The following CAPZB variants were observed in gnomAD, a reference collection of about 807,000 sequenced individuals.
CAPZB encodes F-actin-capping protein subunit beta.
In CAPZB, 2 loss-of-function variants were observed where a neutral mutation model predicts 38.1. The observed-to-expected ratio is 0.05, with a 90% CI of 0.02 to 0.17. The LOEUF (loss-of-function observed/expected upper bound fraction) is 0.17, where lower values mean the gene tolerates loss of function less well. Ranked by LOEUF, CAPZB falls within the 10% of genes least tolerant of loss-of-function variation. The probability of loss-of-function intolerance (pLI) is 1.00; values close to 1 mark genes in which losing one functional copy is unlikely to be tolerated. For synonymous variants in CAPZB, 107 were observed against 127.4 expected (o/e 0.84, Z 1.08); for missense variants, 161 against 334.2 (o/e 0.48, Z 4.04).
intron 2 of CAPZB, among the ~76,000 whole-genome samples, chr1:19,416,589 A>T (rs2100481839): frequency 6.6e-6 from 1 of 152,278 alleles, no homozygotes; most frequent in East Asian, 1.9e-4. Context: ...GCTCTAGCAT[A>T]CATTCTACAG....
chr1:19,418,154 A>C (rs1054423475), intron 2 of CAPZB, among the ~76,000 whole-genome samples: 6 of 149,132 alleles, frequency 4.0e-5, no homozygotes, highest in Non-Finnish European at 7.4e-5. Context: ...AAAAAAAAAA[A>C]AAAAAAAAAA....
At chr1:19,421,340 A>AT (rs1296401569) in intron 1 of CAPZB, among the ~76,000 whole-genome samples, 2 of 152,180 alleles carry the variant, frequency 1.3e-5, no homozygotes, top group Non-Finnish European at 2.9e-5. Context: ...AGTCAATTTC[A>AT]TTTTTTTAAA....
At chr1:19,461,144 A>G (rs2094550574) in intron 1 of CAPZB, among the ~76,000 whole-genome samples, 1 of 152,026 alleles carries the variant, frequency 6.6e-6, no homozygotes, top group South Asian at 2.1e-4. Flanking sequence ...TCATGGGCTG[A>G]GCCTCCAGAA....
chr1:19,376,659 C>T (rs2094146104), intron 4 of CAPZB, among the ~76,000 whole-genome samples: 1 of 152,250 alleles, frequency 6.6e-6, no homozygotes, highest in Non-Finnish European at 1.5e-5. Flanking sequence ...AACAAGTCAG[C>T]TGCTCCCTGT....
At chr1:19,424,642 A>G (rs1413017947) in intron 1 of CAPZB, 1 of 152,348 alleles carries the variant, frequency 6.6e-6, no homozygotes, top group Non-Finnish European at 1.5e-5. Context: ...AGGACTCAGG[A>G]GTCCAGGGTC....
chr1:19,385,659 G>A, intron 2 of CAPZB, 33 bp from the exon 3 acceptor site: 1 of 1,614,070 alleles, frequency 6.2e-7, no homozygotes, highest in South Asian at 1.1e-5. Context: ...TCGAAACAGA[G>A]GTTAAAACAG....
chr1:19,342,696 C>A, intron 8 of CAPZB: 2 of 1,083,654 alleles, frequency 1.8e-6, no homozygotes, highest in Admixed American at 1.9e-5. Flanking sequence ...AGGGTCTCGG[C>A]GGGTTGGTGA....
intron 2 of CAPZB, among the ~76,000 whole-genome samples, chr1:19,404,232 C>CA (rs35225006): frequency 2.2e-4 from 14 of 62,432 alleles, no homozygotes; most frequent in Non-Finnish European, 3.2e-4. Context: ...GACTCCATCT[C>CA]AAAAAAAAAA....
intron 3 of CAPZB, among the ~76,000 whole-genome samples, chr1:19,381,573 C>T (rs899668353): frequency 3.9e-5 from 6 of 152,150 alleles, no homozygotes; most frequent in African/African-American, 1.4e-4. Context: ...GCATGGCGCC[C>T]AGGTGCTGTC....
intron 1 of CAPZB, among the ~76,000 whole-genome samples, chr1:19,472,928 A>C (rs1431601080): frequency 2.0e-5 from 3 of 151,974 alleles, no homozygotes; most frequent in Non-Finnish European, 4.4e-5. Context: ...CATGTTAGCC[A>C]GGATGGTCTG....
chr1:19,350,588 G>C (rs1425565233), intron 6 of CAPZB, among the ~76,000 whole-genome samples: 2 of 149,962 alleles, frequency 1.3e-5, no homozygotes, highest in African/African-American at 2.5e-5. Context: ...GCCTCTCCTT[G>C]CAAGATATAT....
In CAPZB at chr1:19,372,730, TC is replaced by T. The variant is rs1372296895; in HGVS notation, c.329+5809del. 3.3e-5 allele frequency among the ~76,000 whole-genome samples: 5 copies of T among 152,114 alleles called. No homozygotes were observed. In the East Asian group the frequency reaches 7.7e-4, roughly 24 times the overall value. ...TCTGCTGAGAAAGAGTGTCAAATGATCCTCCGAGCCAGCTGCCCAGGAGTCG... is the reference window on the plus strand; with the variant it reads ...TCTGCTGAGAAAGAGTGTCAAATGATCTCCGAGCCAGCTGCCCAGGAGTCG... On this transcript the variant is annotated intron_variant, in intron 4 of 8. Coordinates refer to ENST00000264202, the MANE Select transcript of CAPZB (RefSeq NM_004930.5).
At chr1:19,447,514 C>T (rs144937583) in intron 1 of CAPZB, among the ~76,000 whole-genome samples, 1 of 151,430 alleles carries the variant, frequency 6.6e-6, no homozygotes, top group African/African-American at 2.4e-5. Flanking sequence ...GGATTATAGG[C>T]GAGAGCCACT....
intron 1 of CAPZB, among the ~76,000 whole-genome samples, chr1:19,472,714 T>C (rs2094593630): frequency 7.8e-6 from 1 of 128,606 alleles, no homozygotes; most frequent in Non-Finnish European, 1.6e-5. Context: ...TCTTCATTTT[T>C]TTTTTTTTTT....
At chr1:19,355,154 A>G (rs553439802) in intron 6 of CAPZB, among the ~76,000 whole-genome samples, 103 of 152,300 alleles carry the variant, frequency 6.8e-4, no homozygotes, top group African/African-American at 2.4e-3. Context: ...TTTTCAATGC[A>G]TGTAGATGTT....
At chr1:19,340,788 G>T (rs2093923802) in intron 8 of CAPZB, among the ~76,000 whole-genome samples, 1 of 152,166 alleles carries the variant, frequency 6.6e-6, no homozygotes, top group South Asian at 2.1e-4. Flanking sequence ...TAATCATTTT[G>T]TCAAATTTAC....
At chr1:19,366,300 A>T (rs2094086622) in intron 4 of CAPZB, among the ~76,000 whole-genome samples, 1 of 107,442 alleles carries the variant, frequency 9.3e-6, no homozygotes, top group Admixed American at 1.0e-4. Flanking sequence ...ATATATATAT[A>T]TATATATATA....
intron 1 of CAPZB, among the ~76,000 whole-genome samples, chr1:19,425,058 A>C (rs768571321): frequency 2.0e-5 from 3 of 152,380 alleles, no homozygotes; most frequent in Middle Eastern, 3.4e-3. Flanking sequence ...ACTGATTTGT[A>C]CTTCTTTGTG....
chr1:19,435,293 G>A (rs537904842), intron 1 of CAPZB, among the ~76,000 whole-genome samples: 7 of 152,270 alleles, frequency 4.6e-5, no homozygotes, highest in Non-Finnish European at 7.3e-5. Context: ...CCAATCAAAC[G>A]CTGAGTGTTA....
Sources: gnomAD v4.1 joint callset for allele counts (sites outside exome capture counted in the v4.1 genomes callset) on GRCh38, gnomAD v4.1.1 for gene constraint, MANE v1.5 for transcripts, NCBI Gene and HGNC (gene_info 2026-07-23, HGNC 2026-07-21) for gene names.